Variants in NOMO2 observed in about 807,000 individuals in gnomAD.
NOMO2 encodes the protein BOS complex subunit NOMO2.
Under a neutral mutation model 67.1 loss-of-function variants are expected in NOMO2, and 14 were observed. The ratio of observed to expected loss-of-function variants is 0.21; its 90% CI spans 0.14 to 0.33. NOMO2 has a LOEUF of 0.33. Among genes scored for constraint, NOMO2 ranks in the 10% least tolerant of loss-of-function variants. The pLI is 1.00. For missense variants in NOMO2, 178 were observed against 761.0 expected (o/e 0.23, Z 9.01); for synonymous variants, 80 against 305.9 (o/e 0.26, Z 7.71).
At chr16:18,520,499 G>A in intron 20 of NOMO2, 98 bp downstream of exon 20, 1 of 658,582 alleles carries the variant, frequency 1.5e-6, no homozygotes, top group Admixed American at 2.9e-5. Flanking sequence ...GGCTTACAAA[G>A]ATGGCTTCAC....
At chr16:18,548,674 C>G (rs533283105) in intron 5 of NOMO2, among the ~76,000 whole-genome samples, 2 of 152,230 alleles carry the variant, frequency 1.3e-5, no homozygotes, top group South Asian at 4.2e-4. Context: ...CTAATCATAA[C>G]TGAGCTAACC....
chr16:18,554,518 A>G (rs1363205748), intron 3 of NOMO2, among the ~76,000 whole-genome samples: 4 of 151,572 alleles, frequency 2.6e-5, no homozygotes, highest in Non-Finnish European at 4.4e-5. Flanking sequence ...CTTGATTTCT[A>G]TACTGTTCCA....
chr16:18,535,750 C>A (rs1484427116), intron 11 of NOMO2, among the ~76,000 whole-genome samples: 3 of 151,920 alleles, frequency 2.0e-5, no homozygotes, highest in African/African-American at 7.2e-5. Context: ...GGAAGAAAAA[C>A]AAACTTTTTA....
chr16:18,537,435 G>A (rs1398113728), intron 11 of NOMO2, among the ~76,000 whole-genome samples: 1 of 148,500 alleles, frequency 6.7e-6, no homozygotes, highest in African/African-American at 2.4e-5. Context: ...ATCAAAGCTT[G>A]TTATATTAAT....
intron 9 of NOMO2, 110 bp from the exon 10 acceptor site, chr16:18,539,074 C>T (rs1901490011): frequency 1.4e-6 from 1 of 690,240 alleles, no homozygotes; most frequent in African/African-American, 1.8e-5. Context: ...TCCTGCCGCC[C>T]ACCTCCCAAC....
At chr16:18,526,887 G>A (rs1028251673) in intron 16 of NOMO2, among the ~76,000 whole-genome samples, 3 of 151,948 alleles carry the variant, frequency 2.0e-5, no homozygotes, top group African/African-American at 4.8e-5. Flanking sequence ...TGAGTTTTAC[G>A]ATATGCAAAT....
At chr16:18,557,145 C>A (rs1901925870) in intron 2 of NOMO2, among the ~76,000 whole-genome samples, 2 of 151,334 alleles carry the variant, frequency 1.3e-5, no homozygotes, top group Non-Finnish European at 2.9e-5. Flanking sequence ...AAAAAAAAAA[C>A]AACAAAAAAA....
At chr16:18,533,542 G>A in intron 11 of NOMO2, 1 of 196,706 alleles carries the variant, frequency 5.1e-6, no homozygotes, top group Non-Finnish European at 1.1e-5. Flanking sequence ...GAGCGGCCTT[G>A]GACTGAGAAT....
Position 18,560,791 on chromosome 16 carries a change from C to T in NOMO2, c.165+1085G>A, listed in dbSNP as rs528612479. Among the ~76,000 whole-genome samples, 695 of 151,726 alleles carry T rather than the reference C, an allele frequency of 4.6e-3. 11 individuals carry two copies. Among genetic ancestry groups the T allele is most frequent in the African/African-American group, 0.016 (669 of 41,312 alleles). On this transcript the variant is annotated intron_variant, in intron 1 of 30. Coordinates refer to ENST00000622306, the MANE Select transcript of NOMO2 (RefSeq NM_173614.4). The stretch of plus-strand genomic sequence containing the variant: ...ATGGGGTGTGGAACTGACTCCCTAC[C>T]CCTCCCCCAATCCTCAGCAGCCCGC...
intron 13 of NOMO2, 118 bp downstream of exon 13, chr16:18,531,348 C>G: frequency 1.3e-6 from 2 of 1,531,898 alleles, no homozygotes; most frequent in African/African-American, 1.4e-5. Context: ...AGAAGCCTCC[C>G]TCGCACGCAG....
intron 1 of NOMO2, chr16:18,558,855 C>T (rs1420720551): frequency 1.1e-5 from 5 of 455,656 alleles, no homozygotes; most frequent in South Asian, 6.2e-5. Context: ...TAAGCACCTG[C>T]TACAGAATAT....
At chr16:18,529,412 C>A (rs759727849) in intron 15 of NOMO2, 89 bp downstream of exon 15, 6 of 1,610,880 alleles carry the variant, frequency 3.7e-6, no homozygotes, top group Non-Finnish European at 5.1e-6. Context: ...GACTTGCCTA[C>A]GTTTACAATA....
intron 15 of NOMO2, among the ~76,000 whole-genome samples, chr16:18,528,861 G>A (rs190389527): frequency 0.042 from 6,243 of 148,280 alleles, 180 homozygotes; most frequent in African/African-American, 0.11. Flanking sequence ...CCAGCTACTC[G>A]GGGGGCTGAA....
intron 1 of NOMO2, among the ~76,000 whole-genome samples, chr16:18,561,273 C>G (rs550859717): frequency 4.9e-4 from 72 of 146,390 alleles, no homozygotes; most frequent in Admixed American, 4.1e-3. Flanking sequence ...GCTGGCAACT[C>G]TCCATTTTCA....
chr16:18,528,998 T>A (rs1596845153), intron 15 of NOMO2, among the ~76,000 whole-genome samples: 1 of 1,028 alleles, frequency 9.7e-4, no homozygotes, highest in African/African-American at 1.5e-3. Flanking sequence ...AATACATATA[T>A]ATATATATAT....
rs760771093 is a variant in NOMO2 at position 18,538,992 on chromosome 16, G to A, written c.964-28C>T. ...AGAAAACAAAGAACAAGAAGAAGGT[G>A]CTCGAAGGTGCTCCTGTGCCAGAGC... On this transcript the variant is annotated intron_variant, in intron 9 of 30. Coordinates refer to ENST00000622306, the MANE Select transcript of NOMO2 (RefSeq NM_173614.4). The A allele has an allele frequency of 3.1e-6, 5 of 1,599,672 alleles. No individual in the cohort carries two copies. The South Asian group carries it at 5.5e-5, about 18-fold the overall frequency.
intron 15 of NOMO2, among the ~76,000 whole-genome samples, chr16:18,528,827 G>A (rs1178294854): frequency 1.3e-5 from 2 of 150,416 alleles, no homozygotes; most frequent in Non-Finnish European, 3.0e-5. Context: ...AAAAAGCTGA[G>A]CATGGCGGCA....
In NOMO2 at chr16:18,559,540, C is replaced by T. The variant is rs968788909; in HGVS notation, c.166-1749G>A. ...GGACTCGTGTGAAATAAGGTTAAGC[C>T]TGTATGTAAAGTTCTCTGAGGTCAG... On this transcript the variant is annotated intron_variant, in intron 1 of 30. Coordinates refer to ENST00000622306, the MANE Select transcript of NOMO2 (RefSeq NM_173614.4). Among the ~76,000 whole-genome samples the T allele has an allele frequency of 4.6e-5, 7 of 152,018 alleles. 1 individual carries two copies. Among genetic ancestry groups the T allele is most frequent in the Non-Finnish European group, 7.4e-5 (5 of 68,024 alleles).
At chr16:18,559,446 G>A (rs1162728295) in intron 1 of NOMO2, among the ~76,000 whole-genome samples, 6 of 151,816 alleles carry the variant, frequency 4.0e-5, no homozygotes, top group African/African-American at 1.2e-4. Context: ...TGAAACAGTC[G>A]AATCTTACCA....
Sources: allele counts gnomAD v4.1 joint callset (sites outside exome capture counted in the v4.1 genomes callset), GRCh38; gene constraint gnomAD v4.1.1; transcripts MANE v1.5; gene names NCBI Gene and HGNC (gene_info 2026-07-23, HGNC 2026-07-21).